Variants in MMAB observed in about 807,000 individuals in gnomAD.
The protein encoded by MMAB is corrinoid adenosyltransferase MMAB.
Under a neutral mutation model 30.6 loss-of-function variants are expected in MMAB, and 17 were observed. The observed-to-expected ratio is 0.56, with a 90% CI of 0.38 to 0.83. MMAB has a LOEUF of 0.83. Among genes scored for constraint, MMAB ranks in the 40% least tolerant of loss-of-function variants. MMAB has a pLI of 0.00. For missense variants in MMAB, 311 were observed against 331.6 expected, an observed-to-expected ratio of 0.94 and a Z score of 0.48; for synonymous variants, 134 against 138.6, an observed-to-expected ratio of 0.97 and a Z score of 0.23.
At chr12:109,566,666 C>A (rs1379469587) in intron 3 of MMAB, among the ~76,000 whole-genome samples, 4 of 152,144 alleles carry the variant, frequency 2.6e-5, no homozygotes, top group Admixed American at 1.3e-4. Context: ...GAAGGTGGGG[C>A]TGAGGTTCTG....
intron 4 of MMAB, among the ~76,000 whole-genome samples, chr12:109,562,246 T>A (rs143011750): frequency 3.3e-4 from 50 of 152,330 alleles, no homozygotes; most frequent in African/African-American, 1.1e-3. Flanking sequence ...GTAGGTTTCC[T>A]GAGGCCTCCC....
At position 109,556,529 on chromosome 12, in the gene MMAB, TTACA is replaced by T. The variant is rs1203255036; in HGVS notation, c.*495_*498del. On this transcript the variant is annotated 3_prime_UTR_variant, in exon 9 of 9. Coordinates refer to ENST00000545712, the MANE Select transcript of MMAB (RefSeq NM_052845.4). The stretch of plus-strand genomic sequence containing the variant: ...TTCCAAATCTTGTCCGCCTTCCCCT[TTACA>T]AATGTGACATTTAAAGCACCTTTGG... 2 of 453,886 alleles carry T rather than the reference TTACA, an allele frequency of 4.4e-6. No individual in the cohort carries two copies. Among genetic ancestry groups the T allele is most frequent in the Non-Finnish European group, 8.8e-6 (2 of 226,798 alleles). 28.1% of individuals were successfully genotyped at this position (453,886 alleles called of 1,614,324 possible). A position where few individuals can be genotyped will look rare whatever the true frequency, so the allele number is the denominator to read the frequency against.
chr12:109,570,851 G>C (rs1884606480), intron 2 of MMAB, among the ~76,000 whole-genome samples: 1 of 141,180 alleles, frequency 7.1e-6, no homozygotes, highest in Admixed American at 7.3e-5. Context: ...TCCAGCCTGG[G>C]TGACAGAGTA....
Position 109,569,003 on chromosome 12 carries a change from C to T in MMAB, c.197-140G>A, listed in dbSNP as rs1399150201. On this transcript the variant is annotated intron_variant, in intron 2 of 8. Transcript: ENST00000545712. The surrounding 1 kb of genome is among the most constrained non-coding windows in gnomAD (Gnocchi z 4.1). ...CTCTGTCATCCAGGCTGGAGTACAGCGGCGTGATCTTGGCTCACTGCAGCC... is the reference window on the plus strand; with the variant it reads ...CTCTGTCATCCAGGCTGGAGTACAGTGGCGTGATCTTGGCTCACTGCAGCC... The T allele has an allele frequency of 4.2e-6, 3 of 708,354 alleles. No homozygotes were observed. Among genetic ancestry groups the T allele is most frequent in the African/African-American group, 1.8e-5 (1 of 55,684 alleles). The allele number at this position is 708,354 out of a possible 1,614,324, so 43.9% of individuals were successfully genotyped here.
At chr12:109,559,237 T>G in intron 7 of MMAB, 82 bp from the exon 8 acceptor site, 7 of 1,043,804 alleles carry the variant, frequency 6.7e-6, no homozygotes, top group Non-Finnish European at 1.1e-5. Context: ...TGAGCAGCAT[T>G]TCACATCCTG....
intron 1 of MMAB, 108 bp from the exon 2 acceptor site, chr12:109,571,818 T>TA: frequency 1.2e-6 from 1 of 836,204 alleles, no homozygotes; most frequent in Non-Finnish European, 2.1e-6. Context: ...AGGCAGCACT[T>TA]ACCCCTTACT....
chr12:109,555,932 A>G lies in MMAB; in HGVS notation c.*1096T>C, dbSNP rs1883955972. 1 of 453,970 alleles carries G rather than the reference A, an allele frequency of 2.2e-6. No homozygotes were observed. Among genetic ancestry groups the G allele is most frequent in the African/African-American group, 2.0e-5 (1 of 50,014 alleles). The allele number at this position is 453,970 out of a possible 1,614,324, so 28.1% of individuals were successfully genotyped here. A position where few individuals can be genotyped will look rare whatever the true frequency, so the allele number is the denominator to read the frequency against. ...GGTGGCCCATGCTAAGCAGCCACTCAGTCAATATGTGATGGCTGAATGGAG... is the reference window on the plus strand; with the variant it reads ...GGTGGCCCATGCTAAGCAGCCACTCGGTCAATATGTGATGGCTGAATGGAG... On this transcript the variant is annotated 3_prime_UTR_variant, in exon 9 of 9. Coordinates refer to ENST00000545712, the MANE Select transcript of MMAB (RefSeq NM_052845.4).
At chr12:109,573,249 G>T in intron 1 of MMAB, 98 bp downstream of exon 1, 2 of 1,520,152 alleles carry the variant, frequency 1.3e-6, no homozygotes, top group Non-Finnish European at 9.1e-7. Flanking sequence ...GTCACCTGAC[G>T]GTTGCCGCGG....
At chr12:109,568,598 C>T (rs1177508915) in intron 3 of MMAB, 172 bp downstream of exon 3, 2 of 690,060 alleles carry the variant, frequency 2.9e-6, no homozygotes, top group Non-Finnish European at 2.7e-6. Flanking sequence ...AAGGAGTCTG[C>T]AGCCCCACAG....
At chr12:109,563,073 A>C (rs1014755631) in intron 4 of MMAB, among the ~76,000 whole-genome samples, 1 of 152,244 alleles carries the variant, frequency 6.6e-6, no homozygotes, top group African/African-American at 2.4e-5. Flanking sequence ...CTGCCCATCC[A>C]GCACTGGGCT....
Position 109,559,939 on chromosome 12 carries a change from T to C in MMAB, c.585-784A>G, listed in dbSNP as rs186997640. 1.4e-4 allele frequency among the ~76,000 whole-genome samples: 22 copies of C among 152,378 alleles called. No individual in the cohort carries two copies. The East Asian group carries it at 2.9e-3, about 20-fold the overall frequency. ...CCTCACCCGAGGTGCCCCAGGTGTG[T>C]GTCCCCACCTCAGGACAATCTGCAC... is the stretch of plus-strand genomic sequence containing the variant. On this transcript the variant is annotated intron_variant, in intron 7 of 8. Coordinates refer to ENST00000545712, the MANE Select transcript of MMAB (RefSeq NM_052845.4).
chr12:109,571,806 A>G (rs1358403701), intron 1 of MMAB, 96 bp from the exon 2 acceptor site: 7 of 1,002,304 alleles, frequency 7.0e-6, no homozygotes, highest in Non-Finnish European at 1.1e-5. Context: ...TTGTAACCTC[A>G]GAGGCAGCAC....
At position 109,554,437 on chromosome 12, in the gene MMAB, G is replaced by A. The variant is rs1471229626; in HGVS notation, c.*2591C>T. On this transcript the variant is annotated 3_prime_UTR_variant, in exon 9 of 9. Transcript: ENST00000545712. ...TCATGGGTGCAAAATGTAAGGAAGT[G>A]CCCACAAACTCAGGGATCGAGTAGT... is the stretch of plus-strand genomic sequence containing the variant. 1 of 454,052 alleles carries A rather than the reference G, an allele frequency of 2.2e-6. No individual in the cohort carries two copies. The highest frequency in any genetic ancestry group is 2.0e-5 in the African/African-American group (1 of 50,098). 28.1% of individuals were successfully genotyped at this position (454,052 alleles called of 1,614,324 possible). A position where few individuals can be genotyped will look rare whatever the true frequency, so the allele number is the denominator to read the frequency against.
Position 109,556,816 on chromosome 12 carries a change from T to C in MMAB, c.*212A>G. ...ACATCCCTCCAAGACCCAGGAGAGCTTGGGGAAGCAGGGTCAGGGACAGAA... is the reference window on the plus strand; with the variant it reads ...ACATCCCTCCAAGACCCAGGAGAGCCTGGGGAAGCAGGGTCAGGGACAGAA... On this transcript the variant is annotated 3_prime_UTR_variant, in exon 9 of 9. Transcript: ENST00000545712. The C allele has an allele frequency of 1.5e-6, 1 of 668,262 alleles. No individual in the cohort carries two copies. Among genetic ancestry groups the C allele is most frequent in the Non-Finnish European group, 2.7e-6 (1 of 364,498 alleles). 41.4% of individuals were successfully genotyped at this position (668,262 alleles called of 1,614,324 possible).
In MMAB at chr12:109,554,540, A is replaced by T. The variant is rs1160776263; in HGVS notation, c.*2488T>A. ...CAAGGGATCACGACTTTAAATAAAA[A>T]CAGGCTGCTGTTTGTTTCAAAACCC... On this transcript the variant is annotated 3_prime_UTR_variant, in exon 9 of 9. Coordinates refer to ENST00000545712, the MANE Select transcript of MMAB (RefSeq NM_052845.4). 8.8e-6 allele frequency: 4 copies of T among 454,034 alleles called. No individual in the cohort carries two copies. Among genetic ancestry groups the T allele is most frequent in the Non-Finnish European group, 1.8e-5 (4 of 226,802 alleles). The allele number at this position is 454,034 out of a possible 1,614,324, so 28.1% of individuals were successfully genotyped here. A position where few individuals can be genotyped will look rare whatever the true frequency, so the allele number is the denominator to read the frequency against.
chr12:109,565,953 C>T (rs935077314), intron 3 of MMAB, among the ~76,000 whole-genome samples: 1 of 152,098 alleles, frequency 6.6e-6, no homozygotes, highest in African/African-American at 2.4e-5. Flanking sequence ...GAGACAGTGG[C>T]GCGCTGCAGG....
At chr12:109,570,104 A>C (rs1230478672) in intron 2 of MMAB, 1 of 331,992 alleles carries the variant, frequency 3.0e-6, no homozygotes, top group Admixed American at 3.7e-5. Flanking sequence ...TCTACTAAAA[A>C]CAGAAAAAAT....
rs749772021 is a variant in MMAB at position 109,556,988 on chromosome 12, C to A, written c.*40G>T. 1.5e-6 allele frequency: 2 copies of A among 1,371,704 alleles called. No individual in the cohort carries two copies. Among genetic ancestry groups the A allele is most frequent in the Non-Finnish European group, 1.0e-6 (1 of 960,722 alleles). 85.0% of individuals were successfully genotyped at this position (1,371,704 alleles called of 1,614,324 possible). On this transcript the variant is annotated 3_prime_UTR_variant, in exon 9 of 9. Coordinates refer to ENST00000545712, the MANE Select transcript of MMAB (RefSeq NM_052845.4). ...GGCAAGCTCCTCTCTCCACGGCCAT[C>A]GCCATGGAGGGATCCTCCAAGCTCC...
chr12:109,571,830 C>G (rs1438946248), intron 1 of MMAB, 120 bp from the exon 2 acceptor site: 3 of 779,052 alleles, frequency 3.9e-6, no homozygotes, highest in Admixed American at 3.9e-5. Flanking sequence ...CCCCTTACTG[C>G]TTAGATGGTC....
Sources: gnomAD v4.1 joint callset for allele counts (sites outside exome capture counted in the v4.1 genomes callset) on GRCh38, gnomAD v4.1.1 for gene constraint, Gnocchi (gnomAD v3.1) non-coding constraint, MANE v1.5 for transcripts, NCBI Gene and HGNC (gene_info 2026-07-23, HGNC 2026-07-21) for gene names.